The following MYL10 variants were observed in gnomAD, a reference collection of about 807,000 sequenced individuals.
The protein encoded by MYL10 is myosin regulatory light chain 10.
A neutral mutation model predicts 21.9 loss-of-function variants in MYL10; 18 were observed. The observed-to-expected ratio is 0.82, with a 90% CI of 0.57 to 1.22. The LOEUF is 1.22. Among genes scored for constraint, MYL10 ranks in the 50% most tolerant of loss-of-function variants. The pLI, the probability that MYL10 is intolerant of heterozygous loss-of-function variation, is 0.00. For synonymous variants in MYL10, 88 were observed against 82.8 expected (o/e 1.06, Z -0.34); for missense variants, 225 against 230.4 (o/e 0.98, Z 0.15).
rs1005269036 is a variant in MYL10, at chr7:101,623,201, A to T, written c.274-129T>A. 4 of 716,858 alleles carry T rather than the reference A, an allele frequency of 5.6e-6. No individual in the cohort carries two copies. In the African/African-American group the frequency reaches 7.0e-5, roughly 13 times the overall value. 44.4% of individuals were successfully genotyped at this position (716,858 alleles called of 1,614,324 possible). ...AGGTCCCTCTGGCAGCCCAGCTGGG[A>T]TGGGCTCCATCCCCAACCCCTCATT... is the stretch of plus-strand genomic sequence containing the variant. On this transcript the variant is annotated intron_variant, in intron 3 of 7. Coordinates refer to ENST00000223167, the MANE Select transcript of MYL10 (RefSeq NM_138403.5).
chr7:101,615,412 G>C (rs1478610474), intron 6 of MYL10, among the ~76,000 whole-genome samples: 1 of 151,444 alleles, frequency 6.6e-6, no homozygotes, highest in Admixed American at 6.6e-5. Flanking sequence ...TGCTCCCAGG[G>C]CAGACGCAGG....
At chr7:101,625,753 T>G (rs1796738644) in intron 1 of MYL10, among the ~76,000 whole-genome samples, 2 of 152,322 alleles carry the variant, frequency 1.3e-5, no homozygotes, top group South Asian at 4.1e-4. Context: ...CTTTCAGACA[T>G]CATAAAGAAA....
rs767875981 is a variant in MYL10, at chr7:101,616,255, G to A, written c.498C>T (p.Phe166=). 4.0e-5 allele frequency: 64 copies of A among 1,613,978 alleles called. No individual in the cohort carries two copies. Among genetic ancestry groups the A allele is most frequent in the African/African-American group, 1.3e-4 (10 of 74,922 alleles). Residue 166 remains phenylalanine, a synonymous_variant, in exon 6 of 8, where the codon TTC becomes TTT. Transcript: ENST00000223167. ...EETILHAFKV[F]DTEGKGFVKA... is the part of the protein sequence containing the mutation. ...TGACGAAACCTTTCCCTTCAGTGTC[G>A]AACACTTTGAAGGCGTGGAGAATGG...
At position 101,619,052 on chromosome 7, in the gene MYL10, A is replaced by G. The variant is rs540657851; in HGVS notation, c.455-2754T>C. 1.3e-4 allele frequency among the ~76,000 whole-genome samples: 19 copies of G among 151,422 alleles called. No individual in the cohort carries two copies. In the East Asian group the frequency reaches 3.6e-3, roughly 28 times the overall value. On this transcript the variant is annotated intron_variant, in intron 5 of 7. Coordinates refer to ENST00000223167, the MANE Select transcript of MYL10 (RefSeq NM_138403.5). ...AGGGGCGGGAGGTGCTCACAGCCTC[A>G]CCTCCTGGGCCCGGCCCTGGGCCGT...
chr7:101,620,083 A>G (rs900727715), intron 5 of MYL10, among the ~76,000 whole-genome samples: 1 of 151,954 alleles, frequency 6.6e-6, no homozygotes, highest in Non-Finnish European at 1.5e-5. Context: ...GCAGTTTGGG[A>G]GGCGGATATG....
intron 6 of MYL10, 21 bp from the exon 7 acceptor site, chr7:101,613,731 G>GA: frequency 6.2e-7 from 1 of 1,613,686 alleles, no homozygotes; most frequent in Admixed American, 1.7e-5. Flanking sequence ...GAGAGACACA[G>GA]TCATGTTCAG....
At chr7:101,616,538 A>G (rs1178604811) in intron 5 of MYL10, among the ~76,000 whole-genome samples, 1 of 152,210 alleles carries the variant, frequency 6.6e-6, no homozygotes, top group African/African-American at 2.4e-5. Context: ...ACATATATAT[A>G]TTTTGTGAAC....
At chr7:101,613,819 C>T (rs1796578778) in intron 6 of MYL10, 109 bp from the exon 7 acceptor site, 2 of 1,074,310 alleles carry the variant, frequency 1.9e-6, no homozygotes, top group African/African-American at 1.5e-5. Flanking sequence ...CATCCTGGAC[C>T]AGGAGGACAT....
chr7:101,619,479 C>G (rs1051669375), intron 5 of MYL10, among the ~76,000 whole-genome samples: 1 of 152,228 alleles, frequency 6.6e-6, no homozygotes, highest in Non-Finnish European at 1.5e-5. Flanking sequence ...TGCGTGGAGG[C>G]TGCTCTACCC....
chr7:101,615,026 G>A (rs1003135902), intron 6 of MYL10, among the ~76,000 whole-genome samples: 2 of 152,058 alleles, frequency 1.3e-5, no homozygotes, highest in African/African-American at 4.8e-5. Context: ...CCACTCCCCC[G>A]CCCACTCCTG....
intron 1 of MYL10, among the ~76,000 whole-genome samples, chr7:101,624,662 CAGG>C (rs919310598): frequency 1.5e-4 from 23 of 152,194 alleles, no homozygotes; most frequent in African/African-American, 4.8e-4. Context: ...TTCGTGTTCT[CAGG>C]AGAACAACTG....
chr7:101,618,562 G>T (rs930711697), intron 5 of MYL10, among the ~76,000 whole-genome samples: 3 of 152,188 alleles, frequency 2.0e-5, no homozygotes, highest in African/African-American at 7.2e-5. Context: ...CTCCTCCCCA[G>T]AAAGAGCCTC....
At chr7:101,628,046 G>A (rs1410001392) in intron 1 of MYL10, among the ~76,000 whole-genome samples, 5 of 152,196 alleles carry the variant, frequency 3.3e-5, no homozygotes, top group Non-Finnish European at 7.3e-5. Flanking sequence ...TGGCCCTCGG[G>A]GGCCCCTTCT....
chr7:101,615,897 CTG>C (rs1796604167), intron 6 of MYL10, among the ~76,000 whole-genome samples: 1 of 151,824 alleles, frequency 6.6e-6, no homozygotes, highest in African/African-American at 2.4e-5. Flanking sequence ...TGGGGTTTTG[CTG>C]TGTTGGCCAG....
At chr7:101,625,253 G>T (rs141703913) in intron 1 of MYL10, among the ~76,000 whole-genome samples, 14 of 152,184 alleles carry the variant, frequency 9.2e-5, no homozygotes, top group Admixed American at 9.2e-4. Context: ...CCACCATTGG[G>T]CATTTGCTGA....
At chr7:101,626,672 C>T (rs1381649590) in intron 1 of MYL10, among the ~76,000 whole-genome samples, 5 of 152,152 alleles carry the variant, frequency 3.3e-5, no homozygotes, top group Non-Finnish European at 7.4e-5. Flanking sequence ...TACTGACCCC[C>T]GGCCCTCCCA....
At chr7:101,615,843 C>T (rs958994776) in intron 6 of MYL10, among the ~76,000 whole-genome samples, 2 of 151,506 alleles carry the variant, frequency 1.3e-5, no homozygotes, top group Non-Finnish European at 2.9e-5. Flanking sequence ...TACAGGCATG[C>T]ACCACCATGC....
Position 101,613,389 on chromosome 7 carries a change from TCCTGCAGCC to T in MYL10, c.*77_*85del. On this transcript the variant is annotated 3_prime_UTR_variant, in exon 8 of 8. Coordinates refer to ENST00000223167, the MANE Select transcript of MYL10 (RefSeq NM_138403.5). ...AACCGTAGGACAAGGGAAGCCTTTT[TCCTGCAGCC>T]TCTGGCTGCAAGAGCTCCCTGTCAC... 1.7e-6 allele frequency: 2 copies of T among 1,148,086 alleles called. No individual in the cohort carries two copies. Among genetic ancestry groups the T allele is most frequent in the Admixed American group, 1.9e-5 (1 of 53,156 alleles). 71.1% of individuals were successfully genotyped at this position (1,148,086 alleles called of 1,614,324 possible). A position where few individuals can be genotyped will look rare whatever the true frequency, so the allele number is the denominator to read the frequency against.
In MYL10 at chr7:101,624,036, A is replaced by G; in HGVS notation, c.172-15T>C. ...AGAGCCAGACTCTGTCAAACAAACA[A>G]ATAATAATAATAATAATAGTAATAA... On this transcript the variant is annotated splice_polypyrimidine_tract_variant and intron_variant, in intron 2 of 7. Coordinates refer to ENST00000223167, the MANE Select transcript of MYL10 (RefSeq NM_138403.5). The G allele has an allele frequency of 3.5e-6, 2 of 574,660 alleles. No homozygotes were observed. Among genetic ancestry groups the G allele is most frequent in the Non-Finnish European group, 6.3e-6 (2 of 318,946 alleles). The allele number at this position is 574,660 out of a possible 1,614,324, so 35.6% of individuals were successfully genotyped here.
Sources: allele counts gnomAD v4.1 joint callset (sites outside exome capture counted in the v4.1 genomes callset), GRCh38; gene constraint gnomAD v4.1.1; transcripts MANE v1.5; gene names NCBI Gene and HGNC (gene_info 2026-07-23, HGNC 2026-07-21).